OSGEP: variants seen among roughly 807,000 people sequenced by gnomAD.
The protein encoded by OSGEP is O-sialoglycoprotein endopeptidase.
Under a neutral mutation model 44.1 loss-of-function variants are expected in OSGEP, and 39 were observed. The ratio of observed to expected loss-of-function variants is 0.88; its 90% CI spans 0.69 to 1.16. OSGEP has a LOEUF of 1.16. Among genes scored for constraint, OSGEP ranks in the 50% most tolerant of loss-of-function variants. The pLI is 0.00. For missense variants in OSGEP, 403 were observed against 443.1 expected (o/e 0.91, Z 0.81); for synonymous variants, 139 against 161.9 (o/e 0.86, Z 1.07).
At position 20,451,973 on chromosome 14, in the gene OSGEP, C is replaced by T. The variant is rs747801090; in HGVS notation, c.411+1G>A. The T allele has an allele frequency of 1.6e-5, 25 of 1,593,456 alleles. No individual in the cohort carries two copies. The highest frequency in any genetic ancestry group is 2.0e-5 in the Non-Finnish European group (23 of 1,168,992). On this transcript the variant is annotated splice_donor_variant, in intron 3 of 10. Coordinates refer to ENST00000206542, the MANE Select transcript of OSGEP (RefSeq NM_017807.4). LOFTEE classifies it high-confidence loss of function. ...TGGAGTGGGTAGAGCCCTCTAAATA[C>T]CTGCGTATTTCCTCCACTCACATAC...
intron 6 of OSGEP, 105 bp from the exon 7 acceptor site, chr14:20,448,276 C>A: frequency 1.1e-6 from 1 of 897,422 alleles, no homozygotes; most frequent in Non-Finnish European, 1.9e-6. Flanking sequence ...CACCACAATT[C>A]AAGTTACCAG....
At position 20,447,923 on chromosome 14, in the gene OSGEP, G is replaced by GAGGGCCTCCTGGGAGCCACAATGTGCC; in HGVS notation, c.747_773dup (p.Ala250_Leu258dup). The GAGGGCCTCCTGGGAGCCACAATGTGCC allele has an allele frequency of 6.2e-7, 1 of 1,612,142 alleles. No homozygotes were observed. The highest frequency in any genetic ancestry group is 1.1e-5 in the South Asian group (1 of 91,050). The stretch of plus-strand genomic sequence containing the variant: ...ACATACACCCCACTCCTCCCACAAT[G>GAGGGCCTCCTGGGAGCCACAATGTGCC]AGGGCCTCCTGGGAGCCACAATGTG... On this transcript the variant is annotated inframe_insertion, in exon 8 of 11. Transcript: ENST00000206542.
At position 20,449,175 on chromosome 14, in the gene OSGEP, A is replaced by G. The variant is rs150198299; in HGVS notation, c.503T>C (p.Leu168Pro). 6.2e-7 allele frequency: 1 copy of G among 1,608,010 alleles called. No homozygotes were observed. The highest frequency in any genetic ancestry group is 8.5e-7 in the Non-Finnish European group (1 of 1,174,378). Residue 168 changes from leucine (L) to proline (P), a missense_variant, in exon 4 of 11, where the codon CTG becomes CCG. Physicochemically the swap from Leu to Pro is moderately conservative, Grantham distance 98. Transcript: ENST00000206542. ...TCTGCAGCCCCACTGGCTTACCTTC[A>G]GCACTCGAGCAAAACGATCCAGACA... The part of the protein sequence containing the change: ...GNCLDRFARV[L>P]KISNDPSPGY...
chr14:20,452,628 T>G (rs187509720), intron 1 of OSGEP, among the ~76,000 whole-genome samples, 180 bp from the exon 2 acceptor site: 1 of 152,174 alleles, frequency 6.6e-6, no homozygotes, highest in East Asian at 1.9e-4. Context: ...CTATTCAACT[T>G]TCAGAAATGC....
Position 20,447,233 on chromosome 14 carries a change from G to T in OSGEP, c.*7C>A, listed in dbSNP as rs201352840. 8 of 1,612,400 alleles carry T rather than the reference G, an allele frequency of 5.0e-6. No individual in the cohort carries two copies. The East Asian group carries it at 1.6e-4, about 31-fold the overall frequency. On this transcript the variant is annotated 3_prime_UTR_variant, in exon 11 of 11. Transcript: ENST00000206542. ...AGGAACTATCTACTCTGATTCTGTT[G>T]ATCTTATTAGTCCCTCCAGGTCACC...
At chr14:20,451,558 C>T (rs946817076) in intron 3 of OSGEP, 9 of 158,152 alleles carry the variant, frequency 5.7e-5, no homozygotes, top group African/African-American at 1.4e-4. Flanking sequence ...CCACCCGCCT[C>T]GACCTCCCAA....
chr14:20,452,100 A>G lies in OSGEP; in HGVS notation c.285T>C (p.Thr95=). ...ATGGCTTATTCCACAGTTGGGCCAC[A>G]GTACGGGCCACAACAGCCACAGAAA... The part of the protein sequence containing the change: ...PLVSVAVVAR[T]VAQLWNKPLV... The change falls in exon 3 of 11, where the codon ACT becomes ACC. Residue 95 remains threonine, a synonymous_variant. Transcript: ENST00000206542. 2 of 1,613,742 alleles carry G rather than the reference A, an allele frequency of 1.2e-6. No individual in the cohort carries two copies. The highest frequency in any genetic ancestry group is 1.7e-6 in the Non-Finnish European group (2 of 1,179,844).
At position 20,448,090 on chromosome 14, in the gene OSGEP, T is replaced by A. The variant is rs2275008; in HGVS notation, c.702+16A>T. ...CTTCAGCCCCAACTTTCTGTCCCAG[T>A]TTTTTACTGCATTACCTGCAGGGAG... On this transcript the variant is annotated intron_variant, in intron 7 of 10. Transcript: ENST00000206542. 2 of 1,610,028 alleles carry A rather than the reference T, an allele frequency of 1.2e-6. No individual in the cohort carries two copies. Among genetic ancestry groups the A allele is most frequent in the African/African-American group, 1.3e-5 (1 of 74,858 alleles).
Position 20,452,502 on chromosome 14 carries a change from G to A in OSGEP, c.116-54C>T. 2.5e-6 allele frequency: 4 copies of A among 1,591,706 alleles called. No individual in the cohort carries two copies. In the South Asian group the frequency reaches 3.3e-5, roughly 13 times the overall value. The stretch of plus-strand genomic sequence containing the variant: ...CAGGGATTTTCTGTAGCAAAGGTAG[G>A]TAGGAAGTTAAAGAAAGCAACAGGA... On this transcript the variant is annotated intron_variant, in intron 1 of 10. Coordinates refer to ENST00000206542, the MANE Select transcript of OSGEP (RefSeq NM_017807.4).
intron 8 of OSGEP, 70 bp downstream of exon 8, chr14:20,447,833 AT>A: frequency 1.6e-6 from 2 of 1,290,238 alleles, no homozygotes; most frequent in Non-Finnish European, 2.2e-6. Context: ...ACGCTTAATG[AT>A]TTAGAGTACC....
At chr14:20,450,045 CTT>C (rs761723895) in intron 3 of OSGEP, 2 of 89,822 alleles carry the variant, frequency 2.2e-5, no homozygotes, top group African/African-American at 4.3e-5. Flanking sequence ...TTTTTCTTTT[CTT>C]TTTTTTTTTT....
chr14:20,454,040 A>C (rs1465743013), intron 1 of OSGEP, among the ~76,000 whole-genome samples: 1 of 152,156 alleles, frequency 6.6e-6, no homozygotes, highest in Admixed American at 6.5e-5. Flanking sequence ...ATAAAATAAA[A>C]AATAAAGACC....
intron 3 of OSGEP, chr14:20,451,304 TTTTG>T (rs1161009594): frequency 5.1e-4 from 154 of 301,298 alleles, no homozygotes; most frequent in Admixed American, 1.3e-3. Context: ...TTTTTTTGTT[TTTTG>T]TTTGTTTGTT....
intron 4 of OSGEP, 40 bp downstream of exon 4, chr14:20,449,131 T>G: frequency 1.3e-6 from 2 of 1,541,904 alleles, no homozygotes; most frequent in Non-Finnish European, 1.8e-6. Context: ...TCCCAAAAAT[T>G]CACCCACATT....
At position 20,447,102 on chromosome 14, in the gene OSGEP, G is replaced by C; in HGVS notation, c.*138C>G. 1.4e-6 allele frequency: 1 copy of C among 725,310 alleles called. No homozygotes were observed. The highest frequency in any genetic ancestry group is 1.7e-5 in the South Asian group (1 of 59,116). The allele number at this position is 725,310 out of a possible 1,614,324, so 44.9% of individuals were successfully genotyped here. A position where few individuals can be genotyped will look rare whatever the true frequency, so the allele number is the denominator to read the frequency against. On this transcript the variant is annotated 3_prime_UTR_variant, in exon 11 of 11. Coordinates refer to ENST00000206542, the MANE Select transcript of OSGEP (RefSeq NM_017807.4). ...AATATTTTATTGCTGAGTCATCCTGGGGTTCCATAAAGGACCCCAAGCCTT... is the reference window on the plus strand; with the variant it reads ...AATATTTTATTGCTGAGTCATCCTGCGGTTCCATAAAGGACCCCAAGCCTT...
At position 20,452,144 on chromosome 14, in the gene OSGEP, C is replaced by T. The variant is rs1441990282; in HGVS notation, c.241G>A (p.Gly81Ser). The T allele has an allele frequency of 2.5e-6, 4 of 1,609,880 alleles. No individual in the cohort carries two copies. Among genetic ancestry groups the T allele is most frequent in the Non-Finnish European group, 3.4e-6 (4 of 1,178,196 alleles). Residue 81 changes from glycine to serine, a missense_variant, in exon 3 of 11, where the codon GGC becomes AGC. By Grantham distance (56) the Gly-to-Ser change is moderately conservative. Transcript: ENST00000206542. Reference sequence around the variant, plus strand: ...ACAGAAACCAGTGGGGCACCCATGCCAGGGCCTAGGGAGATAGAAATGGAA... The same window carrying T: ...ACAGAAACCAGTGGGGCACCCATGCTAGGGCCTAGGGAGATAGAAATGGAA... The part of the protein sequence containing the change: ...IDCIAYTKGP[G>S]MGAPLVSVAV...
intron 10 of OSGEP, 44 bp from the exon 11 acceptor site, chr14:20,447,323 C>T: frequency 1.2e-6 from 2 of 1,612,244 alleles, no homozygotes; most frequent in Non-Finnish European, 1.7e-6. Context: ...GAGCCCTTAA[C>T]ATCCTTCATT....
intron 3 of OSGEP, chr14:20,451,347 C>T (rs919175352): frequency 1.4e-5 from 4 of 287,480 alleles, no homozygotes; most frequent in Admixed American, 9.7e-5. Flanking sequence ...GCTCTTGTTG[C>T]CCAGGCTGGA....
At chr14:20,452,202 G>A in intron 2 of OSGEP, 53 bp from the exon 3 acceptor site, 1 of 1,459,330 alleles carries the variant, frequency 6.9e-7, no homozygotes, top group East Asian at 2.4e-5. Flanking sequence ...AAAAACAATA[G>A]TGGGGGACAT....
Sources: allele counts gnomAD v4.1 joint callset (sites outside exome capture counted in the v4.1 genomes callset), GRCh38; gene constraint gnomAD v4.1.1; transcripts MANE v1.5; gene names NCBI Gene and HGNC (gene_info 2026-07-23, HGNC 2026-07-21).